Variants in KLF12 observed in about 807,000 individuals in gnomAD.
KLF12 encodes the protein Krueppel-like factor 12.
A neutral mutation model predicts 37.8 loss-of-function variants in KLF12; 9 were observed. The observed-to-expected ratio is 0.24, with a 90% CI of 0.14 to 0.42. The LOEUF (loss-of-function observed/expected upper bound fraction) is 0.42, where lower values mean the gene tolerates loss of function less well. Ranked by LOEUF, KLF12 falls within the 10% of genes least tolerant of loss-of-function variation. The pLI, the probability that KLF12 is intolerant of heterozygous loss-of-function variation, is 1.00. For synonymous variants in KLF12, 208 were observed against 202.1 expected (o/e 1.03, Z -0.25); for missense variants, 411 against 516.0 (o/e 0.80, Z 1.97).
intron 4 of KLF12, among the ~76,000 whole-genome samples, chr13:73,814,165 A>G (rs140823915): frequency 1.2e-3 from 180 of 152,348 alleles, no homozygotes; most frequent in African/African-American, 3.7e-3. Flanking sequence ...CAAACTAGGC[A>G]TATCTTTTCA....
At chr13:73,834,991 AT>A (rs2138607993) in intron 4 of KLF12, among the ~76,000 whole-genome samples, 1 of 152,046 alleles carries the variant, frequency 6.6e-6, no homozygotes, top group Admixed American at 6.6e-5. Flanking sequence ...AGAATGCAGC[AT>A]TTTTATTTCC....
chr13:74,115,809 C>G (rs1169222589), intron 1 of KLF12, among the ~76,000 whole-genome samples: 2 of 152,034 alleles, frequency 1.3e-5, no homozygotes, highest in Non-Finnish European at 2.9e-5. Flanking sequence ...ACCCCTGCCT[C>G]TGTATTCTTA....
At chr13:74,168,645 C>T in the KLF12 span, among the ~76,000 whole-genome samples, 3 of 152,102 alleles carry the variant, frequency 2.0e-5, no homozygotes, top group Non-Finnish European at 4.4e-5. Flanking sequence ...TCAAGGCTAT[C>T]GCTGGCAATT....
chr13:74,276,329 T>C, the KLF12 span, among the ~76,000 whole-genome samples: 2 of 152,170 alleles, frequency 1.3e-5, no homozygotes, highest in Non-Finnish European at 1.5e-5. Flanking sequence ...TACAGGCTGA[T>C]CTTCAACTCC....
At chr13:73,855,426 T>G (rs780069015) in intron 3 of KLF12, among the ~76,000 whole-genome samples, 11 of 152,024 alleles carry the variant, frequency 7.2e-5, no homozygotes, top group East Asian at 1.9e-4. Context: ...GATTTCGTTT[T>G]TGTGTGTGTG....
intron 6 of KLF12, among the ~76,000 whole-genome samples, chr13:73,745,583 C>T (rs888710385): frequency 1.1e-4 from 16 of 152,130 alleles, no homozygotes; most frequent in African/African-American, 3.9e-4. Context: ...GTGATAATTA[C>T]TGTTTTTCAC....
intron 1 of KLF12, among the ~76,000 whole-genome samples, chr13:74,025,336 A>C (rs1158498772): frequency 6.6e-6 from 1 of 152,148 alleles, no homozygotes; most frequent in Admixed American, 6.5e-5. Flanking sequence ...AAAAATCCAA[A>C]AGGTGGCAAA....
intron 6 of KLF12, among the ~76,000 whole-genome samples, chr13:73,728,789 T>C (rs546461277): frequency 5.3e-5 from 8 of 152,368 alleles, no homozygotes; most frequent in African/African-American, 9.6e-5. Flanking sequence ...TTTTATATGT[T>C]GCTGGACTCA....
At chr13:74,026,246 A>G (rs919947780) in intron 1 of KLF12, among the ~76,000 whole-genome samples, 3 of 152,136 alleles carry the variant, frequency 2.0e-5, no homozygotes, top group African/African-American at 7.2e-5. Flanking sequence ...GTAGAAAAAT[A>G]AAGAGGGATG....
At chr13:74,145,526 T>G in the KLF12 span, among the ~76,000 whole-genome samples, 1 of 152,172 alleles carries the variant, frequency 6.6e-6, no homozygotes, top group African/African-American at 2.4e-5. Flanking sequence ...ACACACACCA[T>G]GCGTAACTCT....
chr13:74,221,208 G>A, the KLF12 span, among the ~76,000 whole-genome samples: 10 of 151,984 alleles, frequency 6.6e-5, no homozygotes, highest in Non-Finnish European at 1.3e-4. Flanking sequence ...GGGTTTCACT[G>A]TGTTAGCCAG....
At chr13:74,279,664 A>G in the KLF12 span, among the ~76,000 whole-genome samples, 1 of 152,176 alleles carries the variant, frequency 6.6e-6, no homozygotes, top group African/African-American at 2.4e-5. Context: ...CAAAATGGTA[A>G]AACACATGTC....
At chr13:73,965,209 A>G (rs1891141299) in intron 2 of KLF12, among the ~76,000 whole-genome samples, 1 of 152,170 alleles carries the variant, frequency 6.6e-6, no homozygotes, top group Non-Finnish European at 1.5e-5. Context: ...AAAAAAAAAT[A>G]GTGCTGAGAA....
the KLF12 span, among the ~76,000 whole-genome samples, chr13:74,170,918 C>T: frequency 6.6e-6 from 1 of 152,110 alleles, no homozygotes; most frequent in African/African-American, 2.4e-5. Flanking sequence ...GTGTGAGCCA[C>T]CATGCCCGGC....
chr13:73,710,137 C>T (rs1452950287), intron 7 of KLF12, among the ~76,000 whole-genome samples: 2 of 151,870 alleles, frequency 1.3e-5, no homozygotes, highest in Non-Finnish European at 2.9e-5. Flanking sequence ...ATAGGGAACA[C>T]ACTACTTCCA....
chr13:73,710,886 C>T (rs1373466156), intron 7 of KLF12, among the ~76,000 whole-genome samples: 1 of 152,190 alleles, frequency 6.6e-6, no homozygotes, highest in Non-Finnish European at 1.5e-5. Context: ...GGGCTGGAAG[C>T]TAGGCCTCTT....
chr13:74,083,538 AC>A (rs1566204096), intron 1 of KLF12, among the ~76,000 whole-genome samples: 14 of 149,034 alleles, frequency 9.4e-5, no homozygotes, highest in Non-Finnish European at 1.8e-4. Context: ...ACACACACAC[AC>A]AAACATTTAA....
intron 1 of KLF12, among the ~76,000 whole-genome samples, chr13:74,106,362 A>G (rs1006488272): frequency 2.0e-5 from 3 of 152,194 alleles, no homozygotes; most frequent in African/African-American, 7.2e-5. Flanking sequence ...ATTACTTTAA[A>G]TACTGGTGAA....
At chr13:73,728,215 T>A (rs1223784898) in intron 6 of KLF12, among the ~76,000 whole-genome samples, 1 of 152,258 alleles carries the variant, frequency 6.6e-6, no homozygotes, top group East Asian at 1.9e-4. Flanking sequence ...TTCTTTTTCA[T>A]GCTATTGTAA....
Sources: gnomAD v4.1 joint callset for allele counts (sites outside exome capture counted in the v4.1 genomes callset) on GRCh38, gnomAD v4.1.1 for gene constraint, MANE v1.5 for transcripts, NCBI Gene and HGNC (gene_info 2026-07-23, HGNC 2026-07-21) for gene names.